Variants in NIM1K observed in about 807,000 individuals in gnomAD.
The protein encoded by NIM1K is NIM1 serine/threonine protein kinase, also known as serine/threonine-protein kinase NIM1.
In NIM1K, 35 loss-of-function variants were observed where a neutral mutation model predicts 37.1. That is an observed-to-expected ratio of 0.94 (90% CI 0.72 to 1.25). The LOEUF (loss-of-function observed/expected upper bound fraction) is 1.25, where lower values mean the gene tolerates loss of function less well. NIM1K is among the 50% of genes most tolerant of loss of function. NIM1K has a pLI of 0.00. For synonymous variants in NIM1K, 234 were observed against 206.6 expected, an observed-to-expected ratio of 1.13 and a Z score of -1.14; for missense variants, 564 against 548.0, an observed-to-expected ratio of 1.03 and a Z score of -0.29.
intron 1 of NIM1K, among the ~76,000 whole-genome samples, chr5:43,227,903 C>G (rs1479410017): frequency 6.6e-6 from 1 of 152,034 alleles, no homozygotes; most frequent in Non-Finnish European, 1.5e-5. Flanking sequence ...ATCATAGGTT[C>G]CAACATTCTC....
intron 1 of NIM1K, chr5:43,232,811 G>A: frequency 9.5e-7 from 1 of 1,048,046 alleles, no homozygotes; most frequent in Admixed American, 1.8e-5. Flanking sequence ...TTACAAATTT[G>A]GTCCAAAACG....
intron 1 of NIM1K, among the ~76,000 whole-genome samples, chr5:43,214,248 A>C (rs1391359187): frequency 6.6e-6 from 1 of 152,182 alleles, no homozygotes; most frequent in Admixed American, 6.5e-5. Flanking sequence ...AGATATATGC[A>C]TATTTTTAGC....
intron 1 of NIM1K, among the ~76,000 whole-genome samples, chr5:43,213,241 T>C (rs1224088286): frequency 2.0e-5 from 3 of 149,912 alleles, no homozygotes; most frequent in Non-Finnish European, 4.4e-5. Context: ...TTTCTTCCTT[T>C]CTTTCTTTCT....
At chr5:43,262,861 A>G (rs1579986520) in intron 2 of NIM1K, among the ~76,000 whole-genome samples, 2 of 152,108 alleles carry the variant, frequency 1.3e-5, no homozygotes, top group Admixed American at 1.3e-4. Flanking sequence ...ATCTATTGAG[A>G]TAATCATGTG....
chr5:43,274,989 G>C (rs1753316563), intron 2 of NIM1K, among the ~76,000 whole-genome samples: 1 of 152,064 alleles, frequency 6.6e-6, no homozygotes, highest in African/African-American at 2.4e-5. Context: ...AAACAAAAAA[G>C]GAATGATGTT....
intron 1 of NIM1K, chr5:43,207,769 AT>A (rs1752139593): frequency 2.2e-6 from 1 of 455,664 alleles, no homozygotes; most frequent in Non-Finnish European, 4.3e-6. Flanking sequence ...CATACTTGGA[AT>A]TGTGGGTATT....
At chr5:43,228,180 T>C (rs1579967159) in intron 1 of NIM1K, among the ~76,000 whole-genome samples, 4 of 152,016 alleles carry the variant, frequency 2.6e-5, no homozygotes, top group African/African-American at 9.6e-5. Flanking sequence ...GGAGTCTCGC[T>C]CTGTCGCCCA....
chr5:43,226,891 A>G (rs1408968705), intron 1 of NIM1K, among the ~76,000 whole-genome samples: 3 of 152,204 alleles, frequency 2.0e-5, no homozygotes, highest in African/African-American at 7.2e-5. Flanking sequence ...TGGTAGTCAA[A>G]GTAGTCTGAA....
At chr5:43,277,758 C>T (rs1234153356) in intron 3 of NIM1K, among the ~76,000 whole-genome samples, 39 of 151,192 alleles carry the variant, frequency 2.6e-4, no homozygotes, top group African/African-American at 4.9e-5. Context: ...CTCTCTCTCT[C>T]TCTCCCCCAC....
chr5:43,238,291 C>T (rs954603762), intron 1 of NIM1K, among the ~76,000 whole-genome samples: 16 of 151,516 alleles, frequency 1.1e-4, no homozygotes, highest in African/African-American at 3.9e-4. Flanking sequence ...ATCTGCCCGC[C>T]TTCAGCCTCC....
In NIM1K at chr5:43,263,460, C is replaced by A. The variant is rs570663006; in HGVS notation, c.293-13597C>A. 2.7e-3 allele frequency among the ~76,000 whole-genome samples: 407 copies of A among 151,626 alleles called. 2 individuals are homozygous for A. The highest frequency in any genetic ancestry group is 9.5e-3 in the African/African-American group (394 of 41,318). The stretch of plus-strand genomic sequence containing the variant: ...TCTGTGGGATCGGTGGTGATATCCC[C>A]TTTATCATTTTTTATTGCCTCTATT... On this transcript the variant is annotated intron_variant, in intron 2 of 3. Coordinates refer to ENST00000326035, the MANE Select transcript of NIM1K (RefSeq NM_153361.4).
At chr5:43,229,444 G>T (rs1752506182) in intron 1 of NIM1K, among the ~76,000 whole-genome samples, 1 of 150,376 alleles carries the variant, frequency 6.6e-6, no homozygotes, top group African/African-American at 2.4e-5. Context: ...TAAATAATTG[G>T]AAATACCTTG....
At chr5:43,275,684 A>T (rs1246186747) in intron 2 of NIM1K, among the ~76,000 whole-genome samples, 2 of 152,112 alleles carry the variant, frequency 1.3e-5, no homozygotes, top group African/African-American at 2.4e-5. Context: ...TAAACAAGGG[A>T]GGTGACATCT....
intron 2 of NIM1K, among the ~76,000 whole-genome samples, chr5:43,255,953 C>G (rs1226457683): frequency 2.6e-5 from 4 of 151,568 alleles, no homozygotes; most frequent in East Asian, 1.9e-4. Flanking sequence ...ATGGGAGATG[C>G]CTGCAGTACT....
At chr5:43,218,993 G>A (rs773477676) in intron 1 of NIM1K, among the ~76,000 whole-genome samples, 101 of 152,048 alleles carry the variant, frequency 6.6e-4, no homozygotes, top group Non-Finnish European at 5.1e-4. Flanking sequence ...TTTCCCCATC[G>A]GTTCTTGTGA....
chr5:43,270,551 G>A (rs895826784), intron 2 of NIM1K, among the ~76,000 whole-genome samples: 3 of 152,208 alleles, frequency 2.0e-5, no homozygotes, highest in Non-Finnish European at 1.5e-5. Flanking sequence ...GAAGGCATTA[G>A]AGACTTGATG....
At chr5:43,233,538 T>C (rs1419864755) in intron 1 of NIM1K, among the ~76,000 whole-genome samples, 1 of 152,244 alleles carries the variant, frequency 6.6e-6, no homozygotes, top group East Asian at 1.9e-4. Flanking sequence ...CAACACTCTT[T>C]TCCTTATCCA....
intron 1 of NIM1K, chr5:43,207,559 A>T (rs141701368): frequency 1.4e-6 from 1 of 690,790 alleles, no homozygotes. Context: ...AAGATTCCAC[A>T]TGGGAGTTTC....
chr5:43,270,065 T>C (rs1753232406), intron 2 of NIM1K, among the ~76,000 whole-genome samples: 2 of 152,334 alleles, frequency 1.3e-5, no homozygotes, highest in South Asian at 2.1e-4. Flanking sequence ...AATTCCTTCA[T>C]CATTTGCTTG....
Sources: gnomAD v4.1 joint callset for allele counts (sites outside exome capture counted in the v4.1 genomes callset) on GRCh38, gnomAD v4.1.1 for gene constraint, MANE v1.5 for transcripts, NCBI Gene and HGNC (gene_info 2026-07-23, HGNC 2026-07-21) for gene names.